ARHGAP15: variants seen among roughly 807,000 people sequenced by gnomAD.
ARHGAP15 encodes rho GTPase-activating protein 15.
Under a neutral mutation model 63.7 loss-of-function variants are expected in ARHGAP15, and 51 were observed. That is an observed-to-expected ratio of 0.80 (90% confidence interval 0.64 to 1.01). The LOEUF (loss-of-function observed/expected upper bound fraction) is 1.01. Ranked by LOEUF, ARHGAP15 falls within the 50% of genes least tolerant of loss-of-function variation. ARHGAP15 has a pLI of 0.00. For missense variants in ARHGAP15, 560 were observed against 564.6 expected (o/e 0.99, Z 0.08); for synonymous variants, 191 against 193.8 (o/e 0.99, Z 0.12).
At chr2:143,602,752 C>T (rs760834674) in intron 11 of ARHGAP15, among the ~76,000 whole-genome samples, 80 of 152,226 alleles carry the variant, frequency 5.3e-4, no homozygotes, top group Non-Finnish European at 9.6e-4. Flanking sequence ...ACTGGAAATT[C>T]ACTTCATCAG....
intron 5 of ARHGAP15, chr2:143,247,256 T>C (rs1303176322): frequency 1.3e-5 from 2 of 152,298 alleles, no homozygotes; most frequent in Non-Finnish European, 2.9e-5. Context: ...TAAGTGAAAA[T>C]GCTATATAAA....
intron 6 of ARHGAP15, among the ~76,000 whole-genome samples, chr2:143,313,982 T>C (rs901634270): frequency 2.0e-5 from 3 of 152,050 alleles, no homozygotes; most frequent in African/African-American, 7.2e-5. Context: ...TTTTGTTTTT[T>C]GTTTTTACAT....
intron 2 of ARHGAP15, among the ~76,000 whole-genome samples, chr2:143,173,534 A>G (rs1265656571): frequency 2.0e-5 from 3 of 152,122 alleles, no homozygotes; most frequent in South Asian, 2.1e-4. Flanking sequence ...TGCAAAATAA[A>G]TGTTCAAAGA....
intron 12 of ARHGAP15, among the ~76,000 whole-genome samples, chr2:143,697,231 A>G (rs779072630): frequency 2.0e-5 from 3 of 152,292 alleles, no homozygotes; most frequent in Non-Finnish European, 4.4e-5. Context: ...AGGAAAGCAT[A>G]CTAAATAGTA....
At chr2:143,564,131 G>A (rs1696133279) in intron 11 of ARHGAP15, 1 of 152,164 alleles carries the variant, frequency 6.6e-6, no homozygotes, top group Non-Finnish European at 1.5e-5. Flanking sequence ...ATTGGTTGTT[G>A]GCCAAAAGCC....
chr2:143,558,728 A>C (rs958826810), intron 11 of ARHGAP15, among the ~76,000 whole-genome samples: 7 of 152,210 alleles, frequency 4.6e-5, no homozygotes, highest in Non-Finnish European at 8.8e-5. Context: ...TTTGTTGAAC[A>C]ATGTGTGTGG....
At chr2:143,429,118 A>ACT (rs1222091484) in intron 6 of ARHGAP15, among the ~76,000 whole-genome samples, 1 of 152,156 alleles carries the variant, frequency 6.6e-6, no homozygotes, top group South Asian at 2.1e-4. Flanking sequence ...AAATTGCTAA[A>ACT]CTATCTACTA....
At position 143,340,974 on chromosome 2, in the gene ARHGAP15, G is replaced by A. The variant is rs79631288; in HGVS notation, c.474+90374G>A. On this transcript the variant is annotated intron_variant, in intron 6 of 13. Coordinates refer to ENST00000295095, the MANE Select transcript of ARHGAP15 (RefSeq NM_018460.4). ...AAATGTTCACTATCATTTGGCCAAC[G>A]TAAGACAGGTAGCTTTTTGTTTTTA... 2.4e-3 allele frequency among the ~76,000 whole-genome samples: 368 copies of A among 152,176 alleles called. 4 individuals are homozygous for A. Among genetic ancestry groups the A allele is most frequent in the African/African-American group, 7.8e-3 (326 of 41,534 alleles).
intron 6 of ARHGAP15, among the ~76,000 whole-genome samples, chr2:143,409,292 G>T (rs949061699): frequency 6.6e-6 from 1 of 151,564 alleles, no homozygotes; most frequent in East Asian, 1.9e-4. Context: ...AAATTAATGA[G>T]GCAAATGGTG....
intron 6 of ARHGAP15, among the ~76,000 whole-genome samples, chr2:143,336,914 G>A (rs1337453634): frequency 6.6e-6 from 1 of 152,184 alleles, no homozygotes; most frequent in Non-Finnish European, 1.5e-5. Flanking sequence ...TGGGAAAACA[G>A]TGGTGATCAT....
chr2:143,361,496 C>G (rs1319231181), intron 6 of ARHGAP15, among the ~76,000 whole-genome samples: 3 of 152,130 alleles, frequency 2.0e-5, no homozygotes, highest in Non-Finnish European at 4.4e-5. Context: ...AAGCAGAGAT[C>G]TTGATGTTAA....
intron 12 of ARHGAP15, among the ~76,000 whole-genome samples, chr2:143,690,037 C>CCAG (rs1683524330): frequency 6.6e-6 from 1 of 152,110 alleles, no homozygotes; most frequent in South Asian, 2.1e-4. Context: ...AAAAAGCTGC[C>CCAG]CAGTTTTTTG....
intron 9 of ARHGAP15, among the ~76,000 whole-genome samples, chr2:143,489,699 A>G (rs1692493629): frequency 6.6e-6 from 1 of 152,244 alleles, no homozygotes; most frequent in South Asian, 2.1e-4. Context: ...GAAAAATTGC[A>G]TACAATTAAT....
At chr2:143,674,163 A>G (rs1332963281) in intron 12 of ARHGAP15, among the ~76,000 whole-genome samples, 2 of 152,130 alleles carry the variant, frequency 1.3e-5, no homozygotes, top group Non-Finnish European at 2.9e-5. Context: ...CTCAAGAGCA[A>G]TGAAAACATT....
intron 3 of ARHGAP15, among the ~76,000 whole-genome samples, chr2:143,206,527 T>G (rs1692335992): frequency 6.6e-6 from 1 of 152,096 alleles, no homozygotes; most frequent in African/African-American, 2.4e-5. Context: ...ATTCCTTAAA[T>G]TTGAATTAGA....
chr2:143,136,048 C>T (rs913332740), intron 1 of ARHGAP15, among the ~76,000 whole-genome samples: 8 of 152,046 alleles, frequency 5.3e-5, no homozygotes, highest in African/African-American at 1.9e-4. Flanking sequence ...AATTACTGCC[C>T]ACCTGTCCCC....
intron 8 of ARHGAP15, among the ~76,000 whole-genome samples, chr2:143,471,215 TACACACAC>T (rs1380937039): frequency 6.8e-6 from 1 of 147,710 alleles, no homozygotes; most frequent in Non-Finnish European, 1.5e-5. Context: ...TGTGTATATA[TACACACAC>T]ATGTGTATGT....
chr2:143,365,992 T>C (rs1191072300), intron 6 of ARHGAP15, among the ~76,000 whole-genome samples: 2 of 152,328 alleles, frequency 1.3e-5, no homozygotes, highest in South Asian at 2.1e-4. Flanking sequence ...ATTCAGCTCC[T>C]ATATATTCTA....
At chr2:143,166,175 C>T (rs185230389) in intron 2 of ARHGAP15, among the ~76,000 whole-genome samples, 193 of 152,142 alleles carry the variant, frequency 1.3e-3, no homozygotes, top group Non-Finnish European at 2.4e-3. Flanking sequence ...ATCTGGGTAA[C>T]ACAGCCCTAC....
Sources: gnomAD v4.1 joint callset for allele counts (sites outside exome capture counted in the v4.1 genomes callset) on GRCh38, gnomAD v4.1.1 for gene constraint, MANE v1.5 for transcripts, NCBI Gene and HGNC (gene_info 2026-07-23, HGNC 2026-07-21) for gene names.